MBD5: variants seen among roughly 807,000 people sequenced by gnomAD.
The protein encoded by MBD5 is methyl-CpG binding domain protein 5, also known as methyl-CpG-binding domain protein 5.
In MBD5, 13 loss-of-function variants were observed where a neutral mutation model predicts 117.3. That is an observed-to-expected ratio of 0.11 (90% CI 0.07 to 0.18). The LOEUF is 0.18. MBD5 is among the 10% of genes least tolerant of loss of function. The pLI is 1.00. For synonymous variants in MBD5, 727 were observed against 766.4 expected (o/e 0.95, Z 0.85); for missense variants, 1,879 against 2,093.8 (o/e 0.90, Z 2.00).
chr2:148,042,415 G>A (rs976323299), intron 1 of MBD5, among the ~76,000 whole-genome samples: 1 of 151,754 alleles, frequency 6.6e-6, no homozygotes. Flanking sequence ...ATTTCTCACA[G>A]CTATGAGTAA....
chr2:148,255,741 C>G (rs1700574708), intron 3 of MBD5, among the ~76,000 whole-genome samples: 1 of 152,242 alleles, frequency 6.6e-6, no homozygotes, highest in South Asian at 2.1e-4. Context: ...GCCTGGAACT[C>G]CAGCCCCACA....
intron 4 of MBD5, among the ~76,000 whole-genome samples, chr2:148,430,253 C>T (rs1056061719): frequency 1.1e-4 from 16 of 152,192 alleles, no homozygotes; most frequent in African/African-American, 3.9e-4. Context: ...ATTTTCTGAA[C>T]AATCTATTAT....
At chr2:148,425,621 G>A (rs541512425) in intron 4 of MBD5, among the ~76,000 whole-genome samples, 49 of 152,238 alleles carry the variant, frequency 3.2e-4, no homozygotes, top group African/African-American at 1.0e-3. Context: ...GATGAACATC[G>A]GTGCAAAAAT....
At position 148,469,573 on chromosome 2, in the gene MBD5, G is replaced by A; in HGVS notation, c.1630G>A (p.Ala544Thr). The A allele has an allele frequency of 6.2e-7, 1 of 1,613,836 alleles. No individual in the cohort carries two copies. The highest frequency in any genetic ancestry group is 8.5e-7 in the Non-Finnish European group (1 of 1,179,924). The change falls in exon 8 of 14, where the codon GCA becomes ACA. Residue 544 changes from alanine (A) to threonine (T), a missense_variant. Ala to Thr is a moderately conservative substitution (Grantham distance 58). Transcript: ENST00000642680. ...NTPSSAAFPT[A>T]SAGSSSVKSQ... is the part of the protein sequence containing the mutation. ...CCCAAGCAGTGCAGCTTTTCCTACTGCATCTGCCGGAAGTAGTTCTGTAAA... is the reference window on the plus strand; with the variant it reads ...CCCAAGCAGTGCAGCTTTTCCTACTACATCTGCCGGAAGTAGTTCTGTAAA...
intron 1 of MBD5, among the ~76,000 whole-genome samples, chr2:148,145,447 T>C (rs1697432048): frequency 6.6e-6 from 1 of 152,210 alleles, no homozygotes; most frequent in South Asian, 2.1e-4. Context: ...TATTTCCTTC[T>C]CCTGCCTGAT....
At chr2:148,050,449 T>C (rs753192361) in intron 1 of MBD5, among the ~76,000 whole-genome samples, 1 of 152,178 alleles carries the variant, frequency 6.6e-6, no homozygotes, top group Non-Finnish European at 1.5e-5. Context: ...TAAGAGTTCT[T>C]TATACATTTT....
At chr2:148,350,538 A>G (rs943304600) in intron 4 of MBD5, among the ~76,000 whole-genome samples, 2 of 152,030 alleles carry the variant, frequency 1.3e-5, no homozygotes, top group African/African-American at 4.8e-5. Flanking sequence ...CAGTTTTTAT[A>G]AGCCAGCTTT....
At chr2:148,045,159 A>G (rs1312418180) in intron 1 of MBD5, among the ~76,000 whole-genome samples, 1 of 152,216 alleles carries the variant, frequency 6.6e-6, no homozygotes. Flanking sequence ...TGATAAGCGT[A>G]CTAACTGGTA....
intron 3 of MBD5, among the ~76,000 whole-genome samples, chr2:148,332,986 C>T (rs1221928974): frequency 2.6e-5 from 4 of 151,990 alleles, no homozygotes; most frequent in African/African-American, 9.7e-5. Context: ...TCTTTACTTG[C>T]AGGGAGATCT....
intron 4 of MBD5, among the ~76,000 whole-genome samples, chr2:148,387,010 T>G (rs921621317): frequency 2.0e-5 from 3 of 152,104 alleles, no homozygotes; most frequent in African/African-American, 7.2e-5. Flanking sequence ...ACTTATGCAT[T>G]CCTCCAGAGA....
chr2:148,135,608 T>G (rs1330027509), intron 1 of MBD5, among the ~76,000 whole-genome samples: 1 of 152,172 alleles, frequency 6.6e-6, no homozygotes, highest in Non-Finnish European at 1.5e-5. Flanking sequence ...GTCTTTGATT[T>G]GTGTACCCTT....
chr2:148,030,988 T>G (rs1004399044), intron 1 of MBD5, among the ~76,000 whole-genome samples: 2 of 152,154 alleles, frequency 1.3e-5, no homozygotes, highest in Admixed American at 6.5e-5. Flanking sequence ...AATGCACTTC[T>G]CACTGTCCTG....
intron 2 of MBD5, among the ~76,000 whole-genome samples, chr2:148,200,232 A>T (rs779802526): frequency 6.7e-6 from 1 of 150,232 alleles, no homozygotes; most frequent in Non-Finnish European, 1.5e-5. Flanking sequence ...TGTAATCTAC[A>T]TATTTATTGT....
chr2:148,115,553 T>C (rs1222544800), intron 1 of MBD5, among the ~76,000 whole-genome samples: 1 of 152,214 alleles, frequency 6.6e-6, no homozygotes, highest in Non-Finnish European at 1.5e-5. Flanking sequence ...TTTCCTCCTT[T>C]AGCGAATTTT....
At chr2:148,087,275 A>G (rs1247579400) in intron 1 of MBD5, among the ~76,000 whole-genome samples, 4 of 152,216 alleles carry the variant, frequency 2.6e-5, no homozygotes, top group Non-Finnish European at 5.9e-5. Context: ...CCAACTCAGG[A>G]CATTATAGCA....
At chr2:148,153,839 T>C (rs1357266641) in intron 1 of MBD5, among the ~76,000 whole-genome samples, 1 of 86,106 alleles carries the variant, frequency 1.2e-5, no homozygotes, top group Non-Finnish European at 2.3e-5. Context: ...TTATACATTC[T>C]TCTAAATTTT....
intron 3 of MBD5, among the ~76,000 whole-genome samples, chr2:148,284,782 A>G (rs1295111296): frequency 2.0e-5 from 3 of 152,102 alleles, no homozygotes; most frequent in Non-Finnish European, 2.9e-5. Flanking sequence ...CTTTTGATAT[A>G]CTGTTCTATC....
At chr2:148,496,807 TG>T (rs1440905418) in intron 11 of MBD5, among the ~76,000 whole-genome samples, 1 of 152,166 alleles carries the variant, frequency 6.6e-6, no homozygotes, top group Non-Finnish European at 1.5e-5. Flanking sequence ...CACTAAATTG[TG>T]ATAAAGAGAA....
At chr2:148,279,185 C>T (rs1001413416) in intron 3 of MBD5, among the ~76,000 whole-genome samples, 2 of 152,168 alleles carry the variant, frequency 1.3e-5, no homozygotes, top group Non-Finnish European at 2.9e-5. Context: ...GTAATCCCAA[C>T]ACTGGGAGGC....
Sources: allele counts gnomAD v4.1 joint callset (sites outside exome capture counted in the v4.1 genomes callset), GRCh38; gene constraint gnomAD v4.1.1; transcripts MANE v1.5; gene names NCBI Gene and HGNC (gene_info 2026-07-23, HGNC 2026-07-21).